PTPRG: variants seen among roughly 807,000 people sequenced by gnomAD.
PTPRG encodes protein tyrosine phosphatase receptor type G.
A neutral mutation model predicts 165.3 loss-of-function variants in PTPRG; 102 were observed. That is an observed-to-expected ratio of 0.62 (90% CI 0.53 to 0.73). The LOEUF is 0.73. Among genes scored for constraint, PTPRG ranks in the 30% least tolerant of loss-of-function variants. PTPRG has a pLI of 0.00. For missense variants in PTPRG, 1,866 were observed against 1,861.4 expected (o/e 1.00, Z -0.05); for synonymous variants, 675 against 669.5 (o/e 1.01, Z -0.13).
At chr3:62,223,339 G>A (rs570466444) in intron 13 of PTPRG, among the ~76,000 whole-genome samples, 1 of 152,340 alleles carries the variant, frequency 6.6e-6, no homozygotes, top group South Asian at 2.1e-4. Context: ...TGCAGCTGTG[G>A]AGCATGTGTT....
intron 4 of PTPRG, among the ~76,000 whole-genome samples, chr3:62,062,301 A>G (rs1304052693): frequency 1.3e-5 from 2 of 152,196 alleles, no homozygotes; most frequent in South Asian, 2.1e-4. Context: ...CTCCATCTCA[A>G]AAATTTAGTA....
At position 61,816,960 on chromosome 3, in the gene PTPRG, G is replaced by A. The variant is rs576381229; in HGVS notation, c.190+67978G>A. 8.8e-4 allele frequency among the ~76,000 whole-genome samples: 122 copies of A among 138,630 alleles called. No individual in the cohort carries two copies. The East Asian group carries it at 0.022, about 25-fold the overall frequency. The allele number at this position is 138,630 out of a possible 152,430, so 90.9% of individuals were successfully genotyped here. The stretch of plus-strand genomic sequence containing the variant: ...TGAAGCTTTTTGGTAGTACCTGAGA[G>A]TTTCAGTAATCACTTATATATATAT... On this transcript the variant is annotated intron_variant, in intron 2 of 29. Transcript: ENST00000474889.
chr3:61,713,467 G>A (rs1050611951), intron 1 of PTPRG, among the ~76,000 whole-genome samples: 6 of 151,716 alleles, frequency 4.0e-5, no homozygotes, highest in Non-Finnish European at 8.8e-5. Flanking sequence ...CACTGCACCC[G>A]GGCTGAAACA....
intron 2 of PTPRG, among the ~76,000 whole-genome samples, chr3:61,965,938 A>G (rs2040261536): frequency 6.6e-6 from 1 of 152,220 alleles, no homozygotes; most frequent in Non-Finnish European, 1.5e-5. Flanking sequence ...CTTGTCATCT[A>G]GTCAGATCTG....
intron 5 of PTPRG, among the ~76,000 whole-genome samples, chr3:62,127,591 A>T (rs886078316): frequency 2.0e-4 from 30 of 152,206 alleles, no homozygotes; most frequent in African/African-American, 6.7e-4. Context: ...CTTTTTTCCC[A>T]CAAGAGGATA....
At chr3:61,925,495 G>A (rs1053820002) in intron 2 of PTPRG, among the ~76,000 whole-genome samples, 1 of 152,220 alleles carries the variant, frequency 6.6e-6, no homozygotes, top group Admixed American at 6.5e-5. Flanking sequence ...TGTAATGCCA[G>A]CACTTTGGGA....
chr3:61,999,791 C>G (rs1040346643), intron 3 of PTPRG, among the ~76,000 whole-genome samples: 4 of 152,110 alleles, frequency 2.6e-5, no homozygotes, highest in Non-Finnish European at 5.9e-5. Flanking sequence ...ATAAATCAAT[C>G]TTGCTCATGT....
intron 1 of PTPRG, among the ~76,000 whole-genome samples, chr3:61,628,440 C>G (rs925431928): frequency 1.3e-5 from 2 of 152,058 alleles, no homozygotes; most frequent in African/African-American, 4.8e-5. Flanking sequence ...CTCAGCCTCC[C>G]GAGTAGCTGG....
At chr3:61,568,967 T>C (rs987377595) in intron 1 of PTPRG, among the ~76,000 whole-genome samples, 5 of 151,988 alleles carry the variant, frequency 3.3e-5, no homozygotes, top group Admixed American at 6.5e-5. Context: ...GAATGACAGC[T>C]GATGAGGTTT....
chr3:61,665,646 A>C (rs922188749), intron 1 of PTPRG, among the ~76,000 whole-genome samples: 6 of 151,900 alleles, frequency 3.9e-5, no homozygotes, highest in Non-Finnish European at 8.8e-5. Flanking sequence ...CAACCTAGTG[A>C]GACCTTATCT....
chr3:61,778,203 A>C (rs1375968872), intron 2 of PTPRG, among the ~76,000 whole-genome samples: 1 of 152,196 alleles, frequency 6.6e-6, no homozygotes, highest in Non-Finnish European at 1.5e-5. Context: ...GCTGAGATTT[A>C]TTGAAAATGA....
chr3:62,287,335 A>G (rs1313760883), intron 28 of PTPRG, among the ~76,000 whole-genome samples: 1 of 152,216 alleles, frequency 6.6e-6, no homozygotes, highest in Non-Finnish European at 1.5e-5. Context: ...GAGGGAAGAC[A>G]ACATGCTGAA....
intron 4 of PTPRG, among the ~76,000 whole-genome samples, chr3:62,054,633 C>A (rs935634611): frequency 6.6e-6 from 1 of 152,132 alleles, no homozygotes; most frequent in African/African-American, 2.4e-5. Flanking sequence ...AGGCAGCTGC[C>A]TAATCATGTG....
intron 4 of PTPRG, among the ~76,000 whole-genome samples, chr3:62,035,423 T>C (rs2107791188): frequency 6.6e-6 from 1 of 152,364 alleles, no homozygotes; most frequent in East Asian, 1.9e-4. Context: ...AGAGTAGTTC[T>C]AACAATAATG....
At chr3:61,999,510 A>G (rs548081060) in intron 3 of PTPRG, among the ~76,000 whole-genome samples, 2 of 152,218 alleles carry the variant, frequency 1.3e-5, no homozygotes, top group South Asian at 4.1e-4. Flanking sequence ...AACACCATTC[A>G]TTGTTCTCCT....
At chr3:61,782,965 G>C (rs1261099811) in intron 2 of PTPRG, among the ~76,000 whole-genome samples, 4 of 152,106 alleles carry the variant, frequency 2.6e-5, no homozygotes, top group Admixed American at 2.0e-4. Flanking sequence ...ACCATACCTG[G>C]CTAATTAAAA....
chr3:61,750,118 C>T (rs141420568), intron 2 of PTPRG: 74 of 152,246 alleles, frequency 4.9e-4, no homozygotes, highest in African/African-American at 1.7e-3. Context: ...ACACCCAGTA[C>T]CTTGTGATTA....
chr3:61,752,797 A>AAAAAAAG (rs1553660809), intron 2 of PTPRG, among the ~76,000 whole-genome samples: 1 of 104,000 alleles, frequency 9.6e-6, no homozygotes, highest in African/African-American at 3.8e-5. Flanking sequence ...AAAAAAAAAA[A>AAAAAAAG]AAAAGAAAAA....
At position 62,243,881 on chromosome 3, in the gene PTPRG, C is replaced by T; in HGVS notation, c.2450C>T (p.Pro817Leu). 1 of 1,540,224 alleles carries T rather than the reference C, an allele frequency of 6.5e-7. No homozygotes were observed. Among genetic ancestry groups the T allele is most frequent in the Non-Finnish European group, 9.0e-7 (1 of 1,114,696 alleles). The part of the protein sequence containing the change: ...SPRVVPNESI[P>L]IIPIPDDMEA... ...CGAGTGGTCCCTAATGAAAGTATCCCTATTATTCCTATTCCGGGTAAGTAA... is the reference window on the plus strand; with the variant it reads ...CGAGTGGTCCCTAATGAAAGTATCCTTATTATTCCTATTCCGGGTAAGTAA... Residue 817 changes from proline (P) to leucine (L), a missense_variant, in exon 15 of 30, where the codon CCT becomes CTT. By Grantham distance (98) the Pro-to-Leu change is moderately conservative. Coordinates refer to ENST00000474889, the MANE Select transcript of PTPRG (RefSeq NM_002841.4).
Sources: allele counts gnomAD v4.1 joint callset (sites outside exome capture counted in the v4.1 genomes callset), GRCh38; gene constraint gnomAD v4.1.1; transcripts MANE v1.5; gene names NCBI Gene and HGNC (gene_info 2026-07-23, HGNC 2026-07-21).